RHOBTB1: variants seen among roughly 807,000 people sequenced by gnomAD.
RHOBTB1 encodes Rho related BTB domain containing 1.
A neutral mutation model predicts 71.6 loss-of-function variants in RHOBTB1; 40 were observed. The observed-to-expected ratio is 0.56, with a 90% CI of 0.43 to 0.73. The LOEUF (loss-of-function observed/expected upper bound fraction) is 0.73. RHOBTB1 is among the 30% of genes least tolerant of loss of function. The pLI is 0.00. For synonymous variants in RHOBTB1, 319 were observed against 334.9 expected (o/e 0.95, Z 0.52); for missense variants, 797 against 894.0 (o/e 0.89, Z 1.38).
At chr10:60,907,223 A>T (rs7067621) in intron 4 of RHOBTB1, among the ~76,000 whole-genome samples, 38,630 of 152,150 alleles carry the variant, frequency 0.25, 6,638 homozygotes, top group African/African-American at 0.49. Context: ...GTGTAAGAAC[A>T]GACTAATACA....
chr10:60,982,622 G>A (rs572894712), intron 2 of RHOBTB1, among the ~76,000 whole-genome samples: 1 of 152,194 alleles, frequency 6.6e-6, no homozygotes, highest in South Asian at 2.1e-4. Flanking sequence ...ACAATCTCCA[G>A]TCATTACCAA....
At chr10:60,910,861 A>T (rs1313488544) in intron 4 of RHOBTB1, 26 bp downstream of exon 4, 1 of 1,556,332 alleles carries the variant, frequency 6.4e-7, no homozygotes, top group Non-Finnish European at 8.9e-7. Flanking sequence ...TTCAAGCTCA[A>T]CCACGCTGTA....
At chr10:60,931,941 T>C (rs10994578) in intron 2 of RHOBTB1, among the ~76,000 whole-genome samples, 72,407 of 152,034 alleles carry the variant, frequency 0.48, 17,993 homozygotes, top group East Asian at 0.74. Flanking sequence ...GGAATACTTA[T>C]GGTAACTGAA....
rs183127453 is a variant in RHOBTB1, at chr10:60,934,655, A to T, written c.-11+7149T>A. On this transcript the variant is annotated intron_variant, in intron 2 of 10. Transcript: ENST00000337910. ...AAGGGAAACAAGTTCCTTTACTTGA[A>T]GCCTCTTTCCAGGAGCCTTAATGAT... Among the ~76,000 whole-genome samples, 25 of 152,336 alleles carry T rather than the reference A, an allele frequency of 1.6e-4. No individual in the cohort carries two copies. In the East Asian group the frequency reaches 4.4e-3, roughly 27 times the overall value.
upstream of RHOBTB1, among the ~76,000 whole-genome samples, chr10:60,945,857 A>C (rs1373266727): frequency 1.3e-5 from 2 of 152,208 alleles, no homozygotes; most frequent in African/African-American, 4.8e-5. Flanking sequence ...AACACATCCA[A>C]GAGGTGGGTG....
chr10:60,978,747 C>CTTTTTCTT (rs1344760080), intron 2 of RHOBTB1, among the ~76,000 whole-genome samples: 2 of 152,122 alleles, frequency 1.3e-5, no homozygotes, highest in Non-Finnish European at 2.9e-5. Context: ...TCTACTTCTT[C>CTTTTTCTT]TTTTTCTTTT....
chr10:60,877,849 T>A (rs879633053), intron 8 of RHOBTB1, 59 bp downstream of exon 8: 1 of 1,514,746 alleles, frequency 6.6e-7, no homozygotes, highest in East Asian at 2.3e-5. Flanking sequence ...ATATTTTTAT[T>A]TAAATGTGAT....
chr10:60,877,929 G>A lies in RHOBTB1; in HGVS notation c.1705C>T (p.Pro569Ser). 1 of 1,613,924 alleles carries A rather than the reference G, an allele frequency of 6.2e-7. No individual in the cohort carries two copies. Among genetic ancestry groups the A allele is most frequent in the Non-Finnish European group, 8.5e-7 (1 of 1,179,914 alleles). ...LIALANRFCL[P>S]HLVALAEQHA... ...TTACCTGCAAGTGCAACCAAGTGTG[G>A]CAGGCAAAATCTGTTTGCCAAGGCA... Residue 569 changes from proline (P) to serine (S), a missense_variant, in exon 8 of 11, where the codon CCA becomes TCA. By Grantham distance (74) the Pro-to-Ser change is moderately conservative. Coordinates refer to ENST00000337910, the MANE Select transcript of RHOBTB1 (RefSeq NM_014836.5).
At chr10:60,906,659 A>T (rs540507929) in intron 4 of RHOBTB1, among the ~76,000 whole-genome samples, 9 of 152,310 alleles carry the variant, frequency 5.9e-5, no homozygotes, top group Non-Finnish European at 1.2e-4. Context: ...GCAGGACAGG[A>T]CACATGCAGC....
intron 2 of RHOBTB1, among the ~76,000 whole-genome samples, chr10:60,933,084 C>T (rs893013863): frequency 2.6e-5 from 4 of 152,208 alleles, no homozygotes; most frequent in Non-Finnish European, 1.5e-5. Context: ...TTCACAGCAA[C>T]GTTAGACCAT....
intron 2 of RHOBTB1, among the ~76,000 whole-genome samples, chr10:60,938,605 G>A (rs2084730683): frequency 6.6e-6 from 1 of 152,146 alleles, no homozygotes; most frequent in African/African-American, 2.4e-5. Context: ...AGGCAAAAAT[G>A]TTGTGTAGTT....
chr10:60,906,436 T>C (rs546280215), intron 4 of RHOBTB1, among the ~76,000 whole-genome samples: 40 of 152,380 alleles, frequency 2.6e-4, no homozygotes, highest in African/African-American at 8.7e-4. Context: ...ATTCAGAATG[T>C]ACCAGGAGGA....
At chr10:60,936,896 C>T (rs1393939357) in intron 2 of RHOBTB1, among the ~76,000 whole-genome samples, 3 of 152,284 alleles carry the variant, frequency 2.0e-5, no homozygotes, top group South Asian at 4.1e-4. Context: ...CAGCACCTAG[C>T]CCCAGTTCAG....
chr10:60,963,773 G>A (rs754482209), intron 2 of RHOBTB1, among the ~76,000 whole-genome samples: 27 of 152,112 alleles, frequency 1.8e-4, no homozygotes, highest in Non-Finnish European at 3.2e-4. Flanking sequence ...AAGTAATTTA[G>A]TATCACTTTC....
downstream of RHOBTB1, among the ~76,000 whole-genome samples, chr10:60,867,350 A>G (rs576661972): frequency 6.6e-6 from 1 of 152,312 alleles, no homozygotes; most frequent in Non-Finnish European, 1.5e-5. Flanking sequence ...GTCCTCATCG[A>G]TTGCCTGTAA....
intron 2 of RHOBTB1, among the ~76,000 whole-genome samples, chr10:60,925,412 C>T (rs1179441433): frequency 3.3e-5 from 5 of 151,984 alleles, no homozygotes; most frequent in Non-Finnish European, 5.9e-5. Flanking sequence ...CATTCCAAAA[C>T]CTATGGAACA....
chr10:60,889,288 C>T (rs1238445156), intron 5 of RHOBTB1, 103 bp from the exon 6 acceptor site: 1 of 1,207,214 alleles, frequency 8.3e-7, no homozygotes, highest in African/African-American at 1.5e-5. Context: ...CTGAAAACTC[C>T]AGTCAGGCTT....
At chr10:60,915,240 T>A (rs545321959) in intron 2 of RHOBTB1, among the ~76,000 whole-genome samples, 38 of 152,338 alleles carry the variant, frequency 2.5e-4, no homozygotes, top group African/African-American at 8.7e-4. Context: ...TTTATTCATA[T>A]CTAGCATTCT....
At chr10:60,999,595 T>C (rs1402111213) in intron 1 of RHOBTB1, among the ~76,000 whole-genome samples, 1 of 152,228 alleles carries the variant, frequency 6.6e-6, no homozygotes, top group East Asian at 1.9e-4. Context: ...GCCCATGATA[T>C]TGGAGGAATC....
Sources: allele counts gnomAD v4.1 joint callset (sites outside exome capture counted in the v4.1 genomes callset), GRCh38; gene constraint gnomAD v4.1.1; transcripts MANE v1.5; gene names NCBI Gene and HGNC (gene_info 2026-07-23, HGNC 2026-07-21).